Variants in PPP2CA observed in about 807,000 individuals in gnomAD.
The protein encoded by PPP2CA is protein phosphatase 2 catalytic subunit alpha.
Under a neutral mutation model 38.8 loss-of-function variants are expected in PPP2CA, and 5 were observed. The ratio of observed to expected loss-of-function variants is 0.13; its 90% CI spans 0.07 to 0.27. The LOEUF (loss-of-function observed/expected upper bound fraction) is 0.27. Among genes scored for constraint, PPP2CA ranks in the 10% least tolerant of loss-of-function variants. PPP2CA has a pLI of 1.00. For missense variants in PPP2CA, 88 were observed against 389.7 expected, an observed-to-expected ratio of 0.23 and a Z score of 6.52; for synonymous variants, 152 against 134.0, an observed-to-expected ratio of 1.13 and a Z score of -0.93.
chr5:134,203,317 T>C (rs1281474581), intron 2 of PPP2CA, among the ~76,000 whole-genome samples: 4 of 152,226 alleles, frequency 2.6e-5, no homozygotes, highest in Non-Finnish European at 4.4e-5. Flanking sequence ...TTCTGATCCA[T>C]TTGCTTCAGC....
chr5:134,200,601 T>C (rs1042940160), intron 4 of PPP2CA, 105 bp from the exon 5 acceptor site: 2 of 1,248,910 alleles, frequency 1.6e-6, no homozygotes, highest in Non-Finnish European at 1.1e-6. Flanking sequence ...TTTTGAGTGA[T>C]GTTTGTGGAC....
At chr5:134,212,960 G>A (rs1448072166) in intron 1 of PPP2CA, among the ~76,000 whole-genome samples, 3 of 152,208 alleles carry the variant, frequency 2.0e-5, no homozygotes, top group Admixed American at 1.3e-4. Context: ...ACTGGTTCAT[G>A]AGATTTAAGA....
intron 1 of PPP2CA, among the ~76,000 whole-genome samples, chr5:134,208,648 T>G (rs1172400534): frequency 6.6e-6 from 1 of 152,200 alleles, no homozygotes; most frequent in African/African-American, 2.4e-5. Flanking sequence ...TATGATATAT[T>G]TATCTGGATG....
Position 134,225,981 on chromosome 5 carries a change from G to T in PPP2CA, c.-120C>A. ...TGTACTTCTGGCGGCTGTTGAGGCTGGCGCTGGCCCGCTGGCTCTCACCGC... is the reference window on the plus strand; with the variant it reads ...TGTACTTCTGGCGGCTGTTGAGGCTTGCGCTGGCCCGCTGGCTCTCACCGC... On this transcript the variant is annotated 5_prime_UTR_variant, in exon 1 of 7. Coordinates refer to ENST00000481195, the MANE Select transcript of PPP2CA (RefSeq NM_002715.4). 2 of 892,434 alleles carry T rather than the reference G, an allele frequency of 2.2e-6. No homozygotes were observed. The highest frequency in any genetic ancestry group is 3.2e-5 in the South Asian group (2 of 62,342). 55.3% of individuals were successfully genotyped at this position (892,434 alleles called of 1,614,324 possible). A position where few individuals can be genotyped will look rare whatever the true frequency, so the allele number is the denominator to read the frequency against.
intron 4 of PPP2CA, 28 bp downstream of exon 4, chr5:134,200,957 A>G: frequency 6.5e-7 from 1 of 1,543,398 alleles, no homozygotes; most frequent in Non-Finnish European, 9.0e-7. Context: ...AAGTTTTCTG[A>G]AAGAATTTTA....
intron 1 of PPP2CA, among the ~76,000 whole-genome samples, chr5:134,212,857 C>T (rs1762230989): frequency 6.6e-6 from 1 of 152,172 alleles, no homozygotes; most frequent in South Asian, 2.1e-4. Context: ...GCTTAAAAGC[C>T]AAAGCCTAAT....
intron 2 of PPP2CA, among the ~76,000 whole-genome samples, chr5:134,203,360 G>A (rs1762008473): frequency 6.6e-6 from 1 of 152,052 alleles, no homozygotes; most frequent in Non-Finnish European, 1.5e-5. Context: ...CTTTCCCCCG[G>A]TATTCTTTTG....
rs1323810975 is a variant in PPP2CA, at chr5:134,196,495, A to G, written c.*1277T>C. On this transcript the variant is annotated 3_prime_UTR_variant, in exon 7 of 7. Transcript: ENST00000481195. ...CATAAGACTAAATCATGATCCAACA[A>G]TAGTTTTCTATTTGGTTTCACTAGT... is the stretch of plus-strand genomic sequence containing the variant. The G allele has an allele frequency of 6.6e-6, 1 of 152,228 alleles. No homozygotes were observed. The highest frequency in any genetic ancestry group is 1.9e-4 in the East Asian group (1 of 5,204). 9.4% of individuals were successfully genotyped at this position (152,228 alleles called of 1,614,324 possible).
In PPP2CA at chr5:134,198,854, G is replaced by A. The variant is rs997357332; in HGVS notation, c.857+232C>T. 4.6e-5 allele frequency among the ~76,000 whole-genome samples: 7 copies of A among 152,184 alleles called. No individual in the cohort carries two copies. The East Asian group carries it at 5.8e-4, about 13-fold the overall frequency. On this transcript the variant is annotated intron_variant, in intron 6 of 6. Transcript: ENST00000481195. ...TGGGATTACAGGCATGAGCCACCGC[G>A]CCTGGCCCCCTTAAACTCTTAAACC...
chr5:134,199,489 A>C (rs922505977), intron 5 of PPP2CA: 2 of 264,986 alleles, frequency 7.5e-6, no homozygotes, highest in Admixed American at 4.9e-5. Context: ...AGAATGAAAT[A>C]CTTCTCATGT....
chr5:134,208,658 G>A (rs758861998), intron 1 of PPP2CA, among the ~76,000 whole-genome samples: 1 of 152,166 alleles, frequency 6.6e-6, no homozygotes, highest in Non-Finnish European at 1.5e-5. Context: ...TTATCTGGAT[G>A]TAGTCCCATC....
intron 2 of PPP2CA, among the ~76,000 whole-genome samples, chr5:134,203,868 C>A (rs755567141): frequency 7.9e-5 from 12 of 152,110 alleles, no homozygotes; most frequent in Non-Finnish European, 1.2e-4. Context: ...GCACATGTCA[C>A]CATGTCTGGC....
rs927212677 is a variant in PPP2CA at position 134,196,889 on chromosome 5, T to C, written c.*883A>G. 2 of 152,636 alleles carry C rather than the reference T, an allele frequency of 1.3e-5. No individual in the cohort carries two copies. The highest frequency in any genetic ancestry group is 4.8e-5 in the African/African-American group (2 of 41,462). The allele number at this position is 152,636 out of a possible 1,614,324, so 9.5% of individuals were successfully genotyped here. A position where few individuals can be genotyped will look rare whatever the true frequency, so the allele number is the denominator to read the frequency against. ...ACCCACAAAGTGCACACCAACAATG[T>C]GACAAATTGTAATATGTGAAATACA... On this transcript the variant is annotated 3_prime_UTR_variant, in exon 7 of 7. Coordinates refer to ENST00000481195, the MANE Select transcript of PPP2CA (RefSeq NM_002715.4).
At chr5:134,221,916 C>T (rs12055186) in intron 1 of PPP2CA, among the ~76,000 whole-genome samples, 14,220 of 147,894 alleles carry the variant, frequency 0.096, 780 homozygotes, top group Admixed American at 0.16. Flanking sequence ...TGCAGTGAGC[C>T]GAGATTGCGC....
At chr5:134,198,132 T>C (rs1181348127) in intron 6 of PPP2CA, among the ~76,000 whole-genome samples, 2 of 152,196 alleles carry the variant, frequency 1.3e-5, no homozygotes, top group Non-Finnish European at 2.9e-5. Context: ...GGCTCACGCC[T>C]GTAATCCCAG....
chr5:134,205,806 C>T, intron 2 of PPP2CA, 116 bp downstream of exon 2: 1 of 884,284 alleles, frequency 1.1e-6, no homozygotes, highest in Non-Finnish European at 1.7e-6. Flanking sequence ...CATATGCATT[C>T]CTAAATGTGG....
chr5:134,218,257 T>C (rs749982813), intron 1 of PPP2CA, among the ~76,000 whole-genome samples: 3 of 152,202 alleles, frequency 2.0e-5, no homozygotes, highest in Non-Finnish European at 2.9e-5. Flanking sequence ...TATTTTCTGT[T>C]TGGCTCTAAG....
At chr5:134,223,840 C>G (rs1462651929) in intron 1 of PPP2CA, among the ~76,000 whole-genome samples, 1 of 152,164 alleles carries the variant, frequency 6.6e-6, no homozygotes, top group Non-Finnish European at 1.5e-5. Flanking sequence ...TTTCATTTCC[C>G]TCAAAAGAGT....
At position 134,222,102 on chromosome 5, in the gene PPP2CA, A is replaced by C. The variant is rs17694910; in HGVS notation, c.102+3658T>G. Among the ~76,000 whole-genome samples, 720 of 152,338 alleles carry C rather than the reference A, an allele frequency of 4.7e-3. 20 individuals are homozygous for C. In the East Asian group the frequency reaches 0.054, roughly 11 times the overall value. The stretch of plus-strand genomic sequence containing the variant: ...AAGGGGATCTGTGAAGCAATACCAG[A>C]ACATTAGGCTTAGAATCCACAAGCC... On this transcript the variant is annotated intron_variant, in intron 1 of 6. Coordinates refer to ENST00000481195, the MANE Select transcript of PPP2CA (RefSeq NM_002715.4).
Sources: gnomAD v4.1 joint callset for allele counts (sites outside exome capture counted in the v4.1 genomes callset) on GRCh38, gnomAD v4.1.1 for gene constraint, MANE v1.5 for transcripts, NCBI Gene and HGNC (gene_info 2026-07-23, HGNC 2026-07-21) for gene names.